The following MYO7B variants were observed in gnomAD, a reference collection of about 807,000 sequenced individuals.
The protein encoded by MYO7B is myosin VIIB.
Under a neutral mutation model 259.7 loss-of-function variants are expected in MYO7B, and 212 were observed. That is an observed-to-expected ratio of 0.82 (90% CI 0.73 to 0.91). The LOEUF is 0.91. MYO7B is among the 40% of genes least tolerant of loss of function. The pLI is 0.00. For missense variants in MYO7B, 2,732 were observed against 2,813.5 expected, an observed-to-expected ratio of 0.97 and a Z score of 0.66; for synonymous variants, 1,197 against 1,166.4, an observed-to-expected ratio of 1.03 and a Z score of -0.54.
chr2:127,618,497 T>G lies in MYO7B; in HGVS notation c.3399-1843T>G, dbSNP rs1336308918. ...GGCTTCAGGTGTGCCCTGTAGATAA[T>G]CACAAGAAACACTTGTGCCTGGGTC... On this transcript the variant is annotated intron_variant, in intron 26 of 47. Coordinates refer to ENST00000409816, the MANE Select transcript of MYO7B (RefSeq NM_001393586.1). Among the ~76,000 whole-genome samples, 3 of 152,338 alleles carry G rather than the reference T, an allele frequency of 2.0e-5. No individual in the cohort carries two copies. In the East Asian group the frequency reaches 5.8e-4, roughly 29 times the overall value.
Position 127,609,036 on chromosome 2 carries a change from C to T in MYO7B, c.2814+158C>T, listed in dbSNP as rs192563311. Among the ~76,000 whole-genome samples the T allele has an allele frequency of 3.3e-5, 5 of 152,148 alleles. No individual in the cohort carries two copies. The highest frequency in any genetic ancestry group is 2.9e-5 in the Non-Finnish European group (2 of 67,994). ...GTCCCACACGGAAGAGGGGAGCGTG[C>T]GTGGGTTCTGTGGTCAAAGCCTTCG... On this transcript the variant is annotated intron_variant, in intron 22 of 47. Transcript: ENST00000409816. The surrounding 1 kb of genome is among the most constrained non-coding windows in gnomAD (Gnocchi z 6.9).
chr2:127,594,118 GC>G (rs1192248609), intron 18 of MYO7B, among the ~76,000 whole-genome samples: 1 of 152,234 alleles, frequency 6.6e-6, no homozygotes, highest in Non-Finnish European at 1.5e-5. Flanking sequence ...TCTCCACAAA[GC>G]GACTTGTCCT....
chr2:127,612,793 C>T (rs1317447197), intron 26 of MYO7B, among the ~76,000 whole-genome samples, 190 bp downstream of exon 26: 1 of 152,206 alleles, frequency 6.6e-6, no homozygotes, highest in Non-Finnish European at 1.5e-5. Context: ...TTAAAAAAGC[C>T]ATGAGTAAAA....
At chr2:127,618,572 T>G (rs1010271142) in intron 26 of MYO7B, among the ~76,000 whole-genome samples, 16 of 152,218 alleles carry the variant, frequency 1.1e-4, no homozygotes, top group Non-Finnish European at 1.3e-4. Flanking sequence ...TTTGTCAGTT[T>G]GCCAACATTC....
chr2:127,633,398 A>C, intron 40 of MYO7B, 35 bp downstream of exon 40: 1 of 1,590,180 alleles, frequency 6.3e-7, no homozygotes, highest in Non-Finnish European at 8.6e-7. Flanking sequence ...GGCAAGTCTC[A>C]GGCCTCCAGA....
At chr2:127,571,566 T>C (rs1362054602) in intron 6 of MYO7B, among the ~76,000 whole-genome samples, 1 of 151,498 alleles carries the variant, frequency 6.6e-6, no homozygotes, top group Non-Finnish European at 1.5e-5. Context: ...CTGCAACCTC[T>C]GCCTGTTAGG....
At chr2:127,557,013 T>A (rs1312440003) in intron 1 of MYO7B, among the ~76,000 whole-genome samples, 1 of 152,228 alleles carries the variant, frequency 6.6e-6, no homozygotes, top group Non-Finnish European at 1.5e-5. Flanking sequence ...TCCTCAGGAA[T>A]GCAAATTATT....
At chr2:127,622,655 T>G (rs1247333936) in intron 28 of MYO7B, among the ~76,000 whole-genome samples, 1 of 152,228 alleles carries the variant, frequency 6.6e-6, no homozygotes, top group Non-Finnish European at 1.5e-5. Context: ...CGAGGTGCCC[T>G]ATACCAGGAG....
rs930195244 is a variant in MYO7B, at chr2:127,627,978, G to A, written c.4461-394G>A. 1.3e-5 allele frequency: 6 copies of A among 469,784 alleles called. 1 individual carries two copies. Among genetic ancestry groups the A allele is most frequent in the Admixed American group, 2.3e-5 (1 of 42,940 alleles). The allele number at this position is 469,784 out of a possible 1,614,324, so 29.1% of individuals were successfully genotyped here. ...TCCTGTATGCCACGAAGTACCGACA[G>A]CATCACCCATTCTGCAGATGAGCGG... is the stretch of plus-strand genomic sequence containing the variant. On this transcript the variant is annotated intron_variant, in intron 33 of 47. Transcript: ENST00000409816. This position sits in a 1 kb window ranked among gnomAD's most constrained non-coding sequence, Gnocchi z 5.6.
At chr2:127,565,436 C>A in intron 4 of MYO7B, 51 bp downstream of exon 4, 1 of 1,597,518 alleles carries the variant, frequency 6.3e-7, no homozygotes, top group Middle Eastern at 1.7e-4. Flanking sequence ...CAGGTGCCAA[C>A]CTCCTGGACA....
chr2:127,556,569 G>T (rs1445435878), intron 1 of MYO7B, among the ~76,000 whole-genome samples: 1 of 152,158 alleles, frequency 6.6e-6, no homozygotes, highest in African/African-American at 2.4e-5. Flanking sequence ...AGCAGTTCTT[G>T]CAGTGCTGGC....
intron 5 of MYO7B, 126 bp downstream of exon 5, chr2:127,566,953 CACA>C: frequency 2.0e-6 from 2 of 996,648 alleles, no homozygotes; most frequent in Admixed American, 5.6e-5. Context: ...CTCCACAGCA[CACA>C]ACGGCCCCAG....
chr2:127,634,508 A>G, intron 41 of MYO7B, 88 bp from the exon 42 acceptor site: 1 of 1,205,432 alleles, frequency 8.3e-7, no homozygotes, highest in Non-Finnish European at 1.2e-6. Context: ...CCCAGGCCGT[A>G]GGCGGCCACT....
Position 127,592,676 on chromosome 2 carries a change from G to A in MYO7B, c.1993-118G>A, listed in dbSNP as rs1573665460. The A allele has an allele frequency of 1.7e-5, 22 of 1,303,116 alleles. No homozygotes were observed. In the African/African-American group the frequency reaches 1.9e-4, roughly 11 times the overall value. 80.7% of individuals were successfully genotyped at this position (1,303,116 alleles called of 1,614,324 possible). A position where few individuals can be genotyped will look rare whatever the true frequency, so the allele number is the denominator to read the frequency against. On this transcript the variant is annotated intron_variant, in intron 16 of 47. Coordinates refer to ENST00000409816, the MANE Select transcript of MYO7B (RefSeq NM_001393586.1). ...GGAGGACAGTGGGGGTGGGCGGGGC[G>A]GGGGGCTGGACACACTGACCTCTGG...
chr2:127,590,642 G>A lies in MYO7B; in HGVS notation c.1992+413G>A, dbSNP rs1182222195. 6.6e-6 allele frequency among the ~76,000 whole-genome samples: 1 copy of A among 152,222 alleles called. No homozygotes were observed. The highest frequency in any genetic ancestry group is 1.5e-5 in the Non-Finnish European group (1 of 68,048). ...AATCAGTAATAGGACTTTAGAGGCT[G>A]ACACCACTCCTTTCACCAGCCCTGC... On this transcript the variant is annotated intron_variant, in intron 16 of 47. Transcript: ENST00000409816. The surrounding 1 kb of genome is among the most constrained non-coding windows in gnomAD (Gnocchi z 4.6).
At chr2:127,580,210 C>T (rs1679046328) in intron 9 of MYO7B, among the ~76,000 whole-genome samples, 1 of 152,200 alleles carries the variant, frequency 6.6e-6, no homozygotes. Context: ...TCCCGTCCCC[C>T]ACCAGCCTGG....
chr2:127,591,544 A>G (rs1013146621), intron 16 of MYO7B, among the ~76,000 whole-genome samples: 1 of 152,206 alleles, frequency 6.6e-6, no homozygotes, highest in Non-Finnish European at 1.5e-5. Context: ...GAATGTTGTA[A>G]AGATTCAGTG....
At position 127,546,955 on chromosome 2, in the gene MYO7B, T is replaced by A. The variant is rs983732082; in HGVS notation, c.-24+11124T>A. ...ATTCAACCACTAATCGACTCATCCA[T>A]CCATCCATCCACCAATCTATCCATC... On this transcript the variant is annotated intron_variant, in intron 1 of 47. Coordinates refer to ENST00000409816, the MANE Select transcript of MYO7B (RefSeq NM_001393586.1). The surrounding 1 kb of genome is among the most constrained non-coding windows in gnomAD (Gnocchi z 4.2). 6.6e-6 allele frequency among the ~76,000 whole-genome samples: 1 copy of A among 151,028 alleles called. No individual in the cohort carries two copies. The highest frequency in any genetic ancestry group is 6.6e-5 in the Admixed American group (1 of 15,186).
intron 12 of MYO7B, 53 bp downstream of exon 12, chr2:127,582,499 C>G: frequency 6.3e-7 from 1 of 1,590,396 alleles, no homozygotes; most frequent in Non-Finnish European, 8.6e-7. Context: ...AGAAGATAAG[C>G]AGCTCCTCTC....
Sources: allele counts gnomAD v4.1 joint callset (sites outside exome capture counted in the v4.1 genomes callset), GRCh38; gene constraint gnomAD v4.1.1; non-coding constraint Gnocchi (gnomAD v3.1); transcripts MANE v1.5; gene names NCBI Gene and HGNC (gene_info 2026-07-23, HGNC 2026-07-21).